LGSN: variants seen among roughly 807,000 people sequenced by gnomAD.
The protein encoded by LGSN is lengsin.
A neutral mutation model predicts 19.5 loss-of-function variants in LGSN; 21 were observed. The observed-to-expected ratio is 1.07, with a 90% CI of 0.76 to 1.55. The LOEUF is 1.55. LGSN is among the 40% of genes most tolerant of loss of function. The pLI, the probability that LGSN is intolerant of heterozygous loss-of-function variation, is 0.00. For missense variants in LGSN, 673 were observed against 608.5 expected (o/e 1.11, Z -1.12); for synonymous variants, 257 against 215.6 (o/e 1.19, Z -1.68).
chr6:63,298,949 T>C (rs935267981), intron 1 of LGSN, among the ~76,000 whole-genome samples: 2 of 152,224 alleles, frequency 1.3e-5, no homozygotes, highest in Admixed American at 6.5e-5. Context: ...CTGCTAATCT[T>C]TTGGCTTAGT....
chr6:63,460,826 GT>G, the LGSN span, among the ~76,000 whole-genome samples: 57 of 152,250 alleles, frequency 3.7e-4, no homozygotes, highest in African/African-American at 1.3e-3. Context: ...GTTCTCTTCT[GT>G]TCTAGTTCAC....
chr6:63,337,088 T>G, the LGSN span, among the ~76,000 whole-genome samples: 1 of 151,538 alleles, frequency 6.6e-6, no homozygotes, highest in Non-Finnish European at 1.5e-5. Flanking sequence ...CATGCCTGGC[T>G]AATTTTTTGT....
intron 1 of LGSN, among the ~76,000 whole-genome samples, chr6:63,308,790 G>A (rs927228353): frequency 8.6e-5 from 13 of 152,042 alleles, no homozygotes; most frequent in African/African-American, 2.4e-4. Flanking sequence ...AAAAGGGATC[G>A]ATAATTATCA....
chr6:63,546,915 T>C, the LGSN span, among the ~76,000 whole-genome samples: 1 of 152,230 alleles, frequency 6.6e-6, no homozygotes, highest in East Asian at 1.9e-4. Flanking sequence ...GTAGTGTATA[T>C]ATATAAACAT....
intron 1 of LGSN, among the ~76,000 whole-genome samples, chr6:63,307,886 C>T (rs1768459987): frequency 6.6e-6 from 1 of 152,192 alleles, no homozygotes; most frequent in Non-Finnish European, 1.5e-5. Context: ...CTCTCAGAAT[C>T]ATGAAGGCAT....
At chr6:63,347,901 C>T in the LGSN span, among the ~76,000 whole-genome samples, 5 of 152,036 alleles carry the variant, frequency 3.3e-5, no homozygotes, top group Non-Finnish European at 7.3e-5. Context: ...TCAGGAATGA[C>T]TTGTAGGGAA....
At position 63,280,074 on chromosome 6, in the gene LGSN, C is replaced by G. The variant is rs745357482; in HGVS notation, c.1477G>C (p.Glu493Gln). 1.1e-5 allele frequency: 18 copies of G among 1,613,052 alleles called. No individual in the cohort carries two copies. Among genetic ancestry groups the G allele is most frequent in the Non-Finnish European group, 1.5e-5 (18 of 1,179,462 alleles). The change falls in exon 4 of 4, where the codon GAG becomes CAG. Residue 493 changes from glutamate to glutamine, a missense_variant. By Grantham distance (29) the Glu-to-Gln change is conservative. Coordinates refer to ENST00000370657, the MANE Select transcript of LGSN (RefSeq NM_016571.3). ...CTCTCTGCAGCTATTTCTTCATTCT[C>G]CAACTCATATTTCTTCATGGCAACA... ...YFVAMKKYEL[E>Q]NEEIAAERNK...
the LGSN span, among the ~76,000 whole-genome samples, chr6:63,523,413 A>G: frequency 6.6e-6 from 1 of 152,130 alleles, no homozygotes; most frequent in East Asian, 1.9e-4. Context: ...GCATGCCTGT[A>G]GTCCCAGCTA....
At chr6:63,569,360 G>A in the LGSN span, among the ~76,000 whole-genome samples, 1 of 152,282 alleles carries the variant, frequency 6.6e-6, no homozygotes, top group Non-Finnish European at 1.5e-5. Flanking sequence ...GCTTTCCAGT[G>A]ATTCTCCTTC....
At chr6:63,312,057 T>C (rs186424757) in intron 1 of LGSN, among the ~76,000 whole-genome samples, 36 of 152,304 alleles carry the variant, frequency 2.4e-4, no homozygotes, top group African/African-American at 7.9e-4. Flanking sequence ...TTTTAACAAA[T>C]GACAGAAAAT....
chr6:63,370,795 C>G, the LGSN span, among the ~76,000 whole-genome samples: 1 of 152,088 alleles, frequency 6.6e-6, no homozygotes, highest in East Asian at 1.9e-4. Context: ...TAGCCCCATG[C>G]CAAGAAAGCA....
At chr6:63,552,860 T>C in the LGSN span, among the ~76,000 whole-genome samples, 5 of 152,228 alleles carry the variant, frequency 3.3e-5, no homozygotes, top group Non-Finnish European at 7.3e-5. Flanking sequence ...TGTGGTATTA[T>C]TTCTGAGGGC....
At chr6:63,564,726 A>G in the LGSN span, among the ~76,000 whole-genome samples, 1 of 152,192 alleles carries the variant, frequency 6.6e-6, no homozygotes, top group Non-Finnish European at 1.5e-5. Context: ...ACTGTGGCAT[A>G]ATTCAACATG....
the LGSN span, among the ~76,000 whole-genome samples, chr6:63,384,491 G>C: frequency 6.3e-5 from 5 of 79,100 alleles, no homozygotes; most frequent in Non-Finnish European, 1.4e-4. Flanking sequence ...ATAACACCTT[G>C]TGTGTGTGTG....
At chr6:63,516,017 AT>A in the LGSN span, among the ~76,000 whole-genome samples, 2 of 152,084 alleles carry the variant, frequency 1.3e-5, no homozygotes, top group Admixed American at 1.3e-4. Flanking sequence ...AATTTACTGG[AT>A]TTTTCCTACA....
chr6:63,503,372 A>G, the LGSN span, among the ~76,000 whole-genome samples: 1 of 152,240 alleles, frequency 6.6e-6, no homozygotes, highest in Non-Finnish European at 1.5e-5. Context: ...GTAAGGCTAG[A>G]GAACCAGACT....
the LGSN span, among the ~76,000 whole-genome samples, chr6:63,514,644 T>A: frequency 6.6e-6 from 1 of 152,230 alleles, no homozygotes; most frequent in African/African-American, 2.4e-5. Context: ...ACCTTGTCAT[T>A]AACCACTCTA....
the LGSN span, among the ~76,000 whole-genome samples, chr6:63,563,165 C>A: frequency 1.3e-5 from 2 of 152,330 alleles, no homozygotes; most frequent in South Asian, 4.1e-4. Flanking sequence ...CTAGGGCCTT[C>A]TCCAATCCAT....
At chr6:63,300,305 TAG>T (rs1768135154) in intron 1 of LGSN, among the ~76,000 whole-genome samples, 1 of 152,210 alleles carries the variant, frequency 6.6e-6, no homozygotes, top group South Asian at 2.1e-4. Context: ...CTCAGGACAT[TAG>T]GGAGAATACC....
Sources: allele counts gnomAD v4.1 joint callset (sites outside exome capture counted in the v4.1 genomes callset), GRCh38; gene constraint gnomAD v4.1.1; transcripts MANE v1.5; gene names NCBI Gene and HGNC (gene_info 2026-07-23, HGNC 2026-07-21).